Variants in COMMD1 observed in about 807,000 individuals in gnomAD.
The protein encoded by COMMD1 is copper metabolism domain containing 1, also known as COMM domain-containing protein 1.
Under a neutral mutation model 17.2 loss-of-function variants are expected in COMMD1, and 10 were observed. The observed-to-expected ratio is 0.58, with a 90% confidence interval of 0.36 to 0.99. The LOEUF is 0.99. COMMD1 is among the 50% of genes least tolerant of loss of function. The pLI, the probability that COMMD1 is intolerant of heterozygous loss-of-function variation, is 0.01. For synonymous variants in COMMD1, 97 were observed against 91.6 expected (o/e 1.06, Z -0.34); for missense variants, 270 against 231.8 (o/e 1.17, Z -1.07).
At chr2:61,956,277 GTTGT>G (rs955644843) in intron 1 of COMMD1, among the ~76,000 whole-genome samples, 4 of 152,160 alleles carry the variant, frequency 2.6e-5, no homozygotes, top group Non-Finnish European at 1.5e-5. Flanking sequence ...AAATCAGTTG[GTTGT>G]TTATTTCTGG....
intron 1 of COMMD1, among the ~76,000 whole-genome samples, chr2:61,982,602 C>T (rs10178972): frequency 3.2e-4 from 48 of 152,224 alleles, no homozygotes; most frequent in African/African-American, 8.4e-4. Context: ...CTATTCAGTA[C>T]GATACTAGCT....
intron 2 of COMMD1, among the ~76,000 whole-genome samples, chr2:62,085,942 C>T (rs939011667): frequency 6.6e-6 from 1 of 151,834 alleles, no homozygotes; most frequent in African/African-American, 2.4e-5. Context: ...CGTGCCACTG[C>T]ACTCCAGCCT....
intron 1 of COMMD1, among the ~76,000 whole-genome samples, chr2:61,974,700 T>A (rs1051188616): frequency 1.3e-5 from 2 of 151,848 alleles, no homozygotes; most frequent in Admixed American, 6.6e-5. Context: ...AAGTTTGTTT[T>A]AAATAGGATA....
At chr2:62,038,346 A>G (rs549156857) in intron 2 of COMMD1, among the ~76,000 whole-genome samples, 1 of 152,238 alleles carries the variant, frequency 6.6e-6, no homozygotes, top group South Asian at 2.1e-4. Context: ...CGATGAATCA[A>G]AATGTATTAA....
intron 2 of COMMD1, among the ~76,000 whole-genome samples, chr2:62,033,863 C>A (rs10084182): frequency 0.13 from 19,418 of 151,110 alleles, 3,056 homozygotes; most frequent in African/African-American, 0.37. Context: ...TGATTTCAGC[C>A]CTTTGGGAGA....
intron 1 of COMMD1, among the ~76,000 whole-genome samples, chr2:61,983,783 A>G (rs747260150): frequency 4.6e-5 from 7 of 152,212 alleles, no homozygotes; most frequent in East Asian, 1.9e-4. Context: ...CAAAAAACCA[A>G]CTGCATTTTG....
chr2:62,096,530 C>T (rs1163567928), intron 2 of COMMD1, among the ~76,000 whole-genome samples: 1 of 152,106 alleles, frequency 6.6e-6, no homozygotes, highest in Non-Finnish European at 1.5e-5. Flanking sequence ...TTTTTTTCCC[C>T]CCTCTTCCCA....
intron 2 of COMMD1, among the ~76,000 whole-genome samples, chr2:62,086,346 A>T (rs1357717680): frequency 6.6e-6 from 1 of 151,984 alleles, no homozygotes; most frequent in Non-Finnish European, 1.5e-5. Context: ...TGTCTCTACT[A>T]AAAATACAAA....
In COMMD1 at chr2:62,104,526, C is replaced by T. The variant is rs561015364; in HGVS notation, c.463-31305C>T. On this transcript the variant is annotated intron_variant, in intron 2 of 2. Coordinates refer to ENST00000311832, the MANE Select transcript of COMMD1 (RefSeq NM_152516.4). ...ATGGGCACCTGTAATCCCAGCTACT[C>T]GGGAAGCTGAGGCAGGAGAATCACT... 5.4e-5 allele frequency among the ~76,000 whole-genome samples: 8 copies of T among 148,950 alleles called. 1 individual carries two copies. The highest frequency in any genetic ancestry group is 1.2e-4 in the African/African-American group (5 of 40,136).
intron 2 of COMMD1, among the ~76,000 whole-genome samples, chr2:62,015,695 G>GTTT (rs1175789686): frequency 8.6e-5 from 11 of 127,202 alleles, no homozygotes; most frequent in African/African-American, 2.3e-4. Flanking sequence ...TAGTTTCTGG[G>GTTT]TTTTTTTTTT....
At chr2:61,910,752 C>G (rs1669883372) in intron 1 of COMMD1, among the ~76,000 whole-genome samples, 1 of 152,128 alleles carries the variant, frequency 6.6e-6, no homozygotes, top group African/African-American at 2.4e-5. Flanking sequence ...CTACTGCCCT[C>G]TGGTGATGAT....
chr2:62,074,883 G>GTTTTTTTTTTTTTTTTTTTTTTTTTTTTT (rs570489051), intron 2 of COMMD1, among the ~76,000 whole-genome samples: 1 of 110,534 alleles, frequency 9.0e-6, no homozygotes, highest in Admixed American at 9.4e-5. Context: ...TGTTTGTGTG[G>GTTTTTTTTTTTTTTTTTTTTTTTTTTTTT]TTTTTTTTTT....
chr2:61,889,291 C>A (rs971457324), intron 1 of COMMD1, among the ~76,000 whole-genome samples: 4 of 148,428 alleles, frequency 2.7e-5, no homozygotes, highest in Non-Finnish European at 5.9e-5. Flanking sequence ...ACTGCAGCCT[C>A]GACCTCCGGG....
chr2:62,018,772 GTT>G, intron 2 of COMMD1, among the ~76,000 whole-genome samples: 1 of 152,186 alleles, frequency 6.6e-6, no homozygotes, highest in Non-Finnish European at 1.5e-5. Context: ...GTCTTAGTGT[GTT>G]TTGTGCTGCC....
chr2:62,135,385 C>G (rs1227469068), intron 2 of COMMD1, among the ~76,000 whole-genome samples: 1 of 150,800 alleles, frequency 6.6e-6, no homozygotes, highest in East Asian at 1.9e-4. Flanking sequence ...GACTCTCACT[C>G]TCTCCCCCAG....
chr2:61,979,533 A>G (rs1671898825), intron 1 of COMMD1, among the ~76,000 whole-genome samples: 2 of 152,142 alleles, frequency 1.3e-5, no homozygotes, highest in Admixed American at 6.5e-5. Flanking sequence ...ACTGCTAGGT[A>G]TATTCCCAAA....
chr2:61,921,916 G>A (rs1276006498), intron 1 of COMMD1, among the ~76,000 whole-genome samples: 1 of 151,494 alleles, frequency 6.6e-6, no homozygotes, highest in East Asian at 1.9e-4. Flanking sequence ...TAACTTTACA[G>A]TTATTCTTGT....
intron 1 of COMMD1, among the ~76,000 whole-genome samples, chr2:61,933,286 T>C (rs1019898407): frequency 6.6e-6 from 1 of 151,896 alleles, no homozygotes; most frequent in Admixed American, 6.6e-5. Context: ...CCCCATTGCT[T>C]AGCCGCTTGT....
At chr2:61,905,221 A>G (rs1330734752), upstream of COMMD1, among the ~76,000 whole-genome samples, 3 of 152,224 alleles carry the variant, frequency 2.0e-5, no homozygotes, top group Non-Finnish European at 4.4e-5. Flanking sequence ...AACATTATGT[A>G]ATCAGGAGAT....
Sources: allele counts gnomAD v4.1 joint callset (sites outside exome capture counted in the v4.1 genomes callset), GRCh38; gene constraint gnomAD v4.1.1; transcripts MANE v1.5; gene names NCBI Gene and HGNC (gene_info 2026-07-23, HGNC 2026-07-21).